Variants in IL17RA observed in about 807,000 individuals in gnomAD.
IL17RA encodes interleukin-17 receptor A.
A neutral mutation model predicts 50.4 loss-of-function variants in IL17RA; 34 were observed. The observed-to-expected ratio is 0.67, with a 90% confidence interval of 0.51 to 0.90. The LOEUF is 0.90. IL17RA is among the 40% of genes least tolerant of loss of function. The pLI, the probability that IL17RA is intolerant of heterozygous loss-of-function variation, is 0.00. For synonymous variants in IL17RA, 585 were observed against 510.4 expected, an observed-to-expected ratio of 1.15 and a Z score of -1.97; for missense variants, 1,276 against 1,169.8, an observed-to-expected ratio of 1.09 and a Z score of -1.32.
rs1346865344 is a variant in IL17RA at position 17,112,860 on chromosome 22, G to T, written c.*3040G>T. ...CTCCTGAGTGTGCAGAGGTGGTTCC[G>T]GTTGGGAAAGAAGCAGCGGAGCATC... On this transcript the variant is annotated 3_prime_UTR_variant, in exon 13 of 13. Transcript: ENST00000319363. The T allele has an allele frequency of 2.0e-5, 3 of 152,102 alleles. No individual in the cohort carries two copies. Among genetic ancestry groups the T allele is most frequent in the Admixed American group, 6.5e-5 (1 of 15,272 alleles). The allele number at this position is 152,102 out of a possible 1,614,324, so 9.4% of individuals were successfully genotyped here.
rs1235025475 is a variant in IL17RA, at chr22:17,102,227, T to C, written c.687T>C (p.His229=). The stretch of plus-strand genomic sequence containing the variant: ...TCACCCTGTGGAACGAATCTACCCA[T>C]TACCAGATCCTGCTGACCAGTTTTC... ...VSFTLWNEST[H]YQILLTSFPH... is the part of the protein sequence containing the mutation. Residue 229 remains histidine (H), a synonymous_variant, in exon 7 of 13, where the codon CAT becomes CAC. Transcript: ENST00000319363. 1 of 1,614,148 alleles carries C rather than the reference T, an allele frequency of 6.2e-7. No homozygotes were observed. The highest frequency in any genetic ancestry group is 1.1e-5 in the South Asian group (1 of 91,084).
intron 1 of IL17RA, among the ~76,000 whole-genome samples, chr22:17,085,492 G>C (rs991775441): frequency 4.6e-5 from 7 of 152,138 alleles, no homozygotes; most frequent in African/African-American, 1.7e-4. Context: ...GCCCGCCGTC[G>C]TGACTGGAGG....
In IL17RA at chr22:17,108,562, C is replaced by G; in HGVS notation, c.1343C>G (p.Ser448Cys). Residue 448 changes from serine to cysteine, a missense_variant, in exon 13 of 13, where the codon TCC (serine) becomes TGC (cysteine). Transcript: ENST00000319363. Reference sequence around the variant, plus strand: ...AACTCTAAGATCATCGTCCTGTGCTCCCGCGGCACGCGCGCCAAGTGGCAG... The same window carrying G: ...AACTCTAAGATCATCGTCCTGTGCTGCCGCGGCACGCGCGCCAAGTGGCAG... ...ESNSKIIVLCSRGTRAKWQAL... is the reference protein window; with the variant it reads ...ESNSKIIVLCCRGTRAKWQAL... The G allele has an allele frequency of 6.2e-7, 1 of 1,607,768 alleles. No individual in the cohort carries two copies. The highest frequency in any genetic ancestry group is 8.5e-7 in the Non-Finnish European group (1 of 1,179,978).
chr22:17,097,323 A>G, intron 2 of IL17RA: 1 of 590,334 alleles, frequency 1.7e-6, no homozygotes, highest in Non-Finnish European at 3.0e-6. Flanking sequence ...TTGTGAAAGT[A>G]TTCTCTGGGG....
intron 1 of IL17RA, among the ~76,000 whole-genome samples, chr22:17,094,987 T>C (rs1352060626): frequency 1.3e-5 from 2 of 151,904 alleles, no homozygotes; most frequent in Non-Finnish European, 2.9e-5. Flanking sequence ...GACCATTCAG[T>C]ACCACAGAAA....
chr22:17,096,937 A>C, intron 1 of IL17RA, 125 bp from the exon 2 acceptor site: 1 of 872,976 alleles, frequency 1.1e-6, no homozygotes, highest in Non-Finnish European at 2.0e-6. Flanking sequence ...CCTATTCCCC[A>C]AAAAGTGAGA....
intron 5 of IL17RA, 61 bp downstream of exon 5, chr22:17,100,542 G>A (rs1409139466): frequency 6.3e-7 from 1 of 1,599,660 alleles, no homozygotes; most frequent in African/African-American, 1.3e-5. Flanking sequence ...GAAGCACCAG[G>A]TGGCACAGAT....
rs2123807873 is a variant in IL17RA at position 17,105,902 on chromosome 22, G to A, written c.993G>A (p.Leu331=). 3.7e-6 allele frequency: 6 copies of A among 1,614,190 alleles called. No individual in the cohort carries two copies. In the Middle Eastern group the frequency reaches 8.3e-4, roughly 222 times the overall value. ...VYWFITGISI[L]LVGSVILLIV... Reference sequence around the variant, plus strand: ...GGTTCATCACGGGCATCTCCATCCTGCTGGTGGGCTCCGTCATCCTGCTCA... The same window carrying A: ...GGTTCATCACGGGCATCTCCATCCTACTGGTGGGCTCCGTCATCCTGCTCA... Residue 331 remains leucine (L), a synonymous_variant, in exon 11 of 13, where the codon CTG becomes CTA. Transcript: ENST00000319363.
rs369239916 is a variant in IL17RA, at chr22:17,109,734, C to G, written c.2515C>G (p.Leu839Val). 5.5e-5 allele frequency: 86 copies of G among 1,570,436 alleles called. No individual in the cohort carries two copies. Among genetic ancestry groups the G allele is most frequent in the Non-Finnish European group, 7.1e-5 (82 of 1,158,372 alleles). The change falls in exon 13 of 13, where the codon CTC becomes GTC. Residue 839 changes from leucine to valine, a missense_variant. Coordinates refer to ENST00000319363, the MANE Select transcript of IL17RA (RefSeq NM_014339.7). Reference sequence around the variant, plus strand: ...CGAGGACCTGGAGAGCCTGAGGAGCCTCCAGCGGCAGCTGCTTTTCCGCCA... The same window carrying G: ...CGAGGACCTGGAGAGCCTGAGGAGCGTCCAGCGGCAGCTGCTTTTCCGCCA... ...SPEDLESLRS[L>V]QRQLLFRQLQ... is the part of the protein sequence containing the mutation.
Position 17,109,935 on chromosome 22 carries a change from TTTAAAA to T in IL17RA, c.*117_*122del. 1 of 1,032,542 alleles carries T rather than the reference TTTAAAA, an allele frequency of 9.7e-7. No homozygotes were observed. The highest frequency in any genetic ancestry group is 1.4e-6 in the Non-Finnish European group (1 of 713,030). The allele number at this position is 1,032,542 out of a possible 1,614,324, so 64.0% of individuals were successfully genotyped here. A position where few individuals can be genotyped will look rare whatever the true frequency, so the allele number is the denominator to read the frequency against. ...ATATGTTCGTGTGTGAAATGTAGGC[TTTAAAA>T]TGTAAATGTCTGGATTTTAATCCCA... On this transcript the variant is annotated 3_prime_UTR_variant, in exon 13 of 13. Transcript: ENST00000319363.
Position 17,115,617 on chromosome 22 carries a change from A to C in IL17RA, c.*5797A>C, listed in dbSNP as rs1468149711. On this transcript the variant is annotated 3_prime_UTR_variant, in exon 13 of 13. Coordinates refer to ENST00000319363, the MANE Select transcript of IL17RA (RefSeq NM_014339.7). ...AAAAAAAATCACTGTGTGTTTGTTT[A>C]TTTTGGTGCAGGCCCAGTGTTCTTG... The C allele has an allele frequency of 6.6e-6, 1 of 151,630 alleles. No homozygotes were observed. Among genetic ancestry groups the C allele is most frequent in the Admixed American group, 6.6e-5 (1 of 15,230 alleles). 9.4% of individuals were successfully genotyped at this position (151,630 alleles called of 1,614,324 possible). A position where few individuals can be genotyped will look rare whatever the true frequency, so the allele number is the denominator to read the frequency against.
intron 9 of IL17RA, among the ~76,000 whole-genome samples, chr22:17,105,114 A>G (rs976769173): frequency 2.6e-5 from 4 of 152,184 alleles, no homozygotes; most frequent in Non-Finnish European, 4.4e-5. Flanking sequence ...TGTGCCATGC[A>G]CTGAGCGCAG....
chr22:17,103,529 C>T lies in IL17RA; in HGVS notation c.798C>T (p.Val266=), dbSNP rs771423678. 6.2e-7 allele frequency: 1 copy of T among 1,614,018 alleles called. No individual in the cohort carries two copies. The highest frequency in any genetic ancestry group is 1.7e-5 in the Admixed American group (1 of 60,012). Residue 266 remains valine, a synonymous_variant, in exon 8 of 13, where the codon GTC becomes GTT. Coordinates refer to ENST00000319363, the MANE Select transcript of IL17RA (RefSeq NM_014339.7). The part of the protein sequence containing the change: ...RPEEFHQRSN[V]TLTLRNLKGC... The stretch of plus-strand genomic sequence containing the variant: ...AAGAGTTCCACCAGCGATCCAACGT[C>T]ACACTCACTCTACGCAACCTTAAAG...
intron 1 of IL17RA, among the ~76,000 whole-genome samples, chr22:17,090,244 G>A (rs1255406345): frequency 1.3e-5 from 2 of 152,150 alleles, no homozygotes; most frequent in Admixed American, 6.5e-5. Flanking sequence ...GGCCAGTCTC[G>A]AACTCCTGAG....
intron 8 of IL17RA, among the ~76,000 whole-genome samples, chr22:17,103,836 G>T (rs2061401700): frequency 6.9e-6 from 1 of 145,778 alleles, no homozygotes; most frequent in Non-Finnish European, 1.5e-5. Context: ...AGAGTGGTGT[G>T]GACGGGAGTG....
chr22:17,099,654 C>A (rs1335699561), intron 4 of IL17RA, among the ~76,000 whole-genome samples: 1 of 152,030 alleles, frequency 6.6e-6, no homozygotes. Context: ...GAACCCCTCT[C>A]CGATGTTAAA....
chr22:17,086,106 T>C (rs1374091673), intron 1 of IL17RA, among the ~76,000 whole-genome samples: 2 of 152,012 alleles, frequency 1.3e-5, no homozygotes, highest in Admixed American at 6.6e-5. Context: ...TGCCGGGTAG[T>C]GGCCTTTCTG....
Position 17,112,963 on chromosome 22 carries a change from T to C in IL17RA, c.*3143T>C, listed in dbSNP as rs1474573956. ...AACTCCCGCGTAGAGTTTCATGACTTTTTCCTGCCTACTATCTTGATCCTA... is the reference window on the plus strand; with the variant it reads ...AACTCCCGCGTAGAGTTTCATGACTCTTTCCTGCCTACTATCTTGATCCTA... On this transcript the variant is annotated 3_prime_UTR_variant, in exon 13 of 13. Transcript: ENST00000319363. 6 of 151,328 alleles carry C rather than the reference T, an allele frequency of 4.0e-5. No individual in the cohort carries two copies. Among genetic ancestry groups the C allele is most frequent in the Non-Finnish European group, 8.8e-5 (6 of 67,934 alleles). 9.4% of individuals were successfully genotyped at this position (151,328 alleles called of 1,614,324 possible).
rs1490788022 is a variant in IL17RA, at chr22:17,094,707, A to ATGTG, written c.139-2354_139-2353insGTGT. Reference sequence around the variant, plus strand: ...TCTCTCTCTCTATATATATATATATATATATATATATTCAGGGAGATCTTT... The same window carrying ATGTG: ...TCTCTCTCTCTATATATATATATATATGTGTATATATATATTCAGGGAGATCTTT... On this transcript the variant is annotated intron_variant, in intron 1 of 12. Transcript: ENST00000319363. Among the ~76,000 whole-genome samples the ATGTG allele has an allele frequency of 1.4e-4, 10 of 73,012 alleles. 1 individual carries two copies. Among genetic ancestry groups the ATGTG allele is most frequent in the African/African-American group, 2.0e-4 (3 of 14,718 alleles). The allele number at this position is 73,012 out of a possible 152,430, so 47.9% of individuals were successfully genotyped here. A position where few individuals can be genotyped will look rare whatever the true frequency, so the allele number is the denominator to read the frequency against.
Sources: gnomAD v4.1 joint callset for allele counts (sites outside exome capture counted in the v4.1 genomes callset) on GRCh38, gnomAD v4.1.1 for gene constraint, MANE v1.5 for transcripts, NCBI Gene and HGNC (gene_info 2026-07-23, HGNC 2026-07-21) for gene names.